STIM2: variants seen among roughly 807,000 people sequenced by gnomAD.
STIM2 encodes stromal interaction molecule 2.
STIM2 carries 31 observed loss-of-function variants against 85.8 expected under a neutral mutation model. The observed-to-expected ratio is 0.36, with a 90% CI of 0.27 to 0.49. The LOEUF (loss-of-function observed/expected upper bound fraction) is 0.49, where lower values mean the gene tolerates loss of function less well. Among genes scored for constraint, STIM2 ranks in the 20% least tolerant of loss-of-function variants. The pLI, the probability that STIM2 is intolerant of heterozygous loss-of-function variation, is 0.98. For synonymous variants in STIM2, 356 were observed against 331.1 expected, an observed-to-expected ratio of 1.08 and a Z score of -0.82; for missense variants, 841 against 927.6, an observed-to-expected ratio of 0.91 and a Z score of 1.21.
chr4:27,021,472 T>C, intron 11 of STIM2: 1 of 455,718 alleles, frequency 2.2e-6, no homozygotes, highest in South Asian at 1.6e-5. Flanking sequence ...CCCTGAGGGG[T>C]CTCGAGGTTG....
intron 7 of STIM2, among the ~76,000 whole-genome samples, chr4:27,006,482 G>A (rs868370970): frequency 3.3e-5 from 5 of 152,154 alleles, no homozygotes; most frequent in African/African-American, 7.2e-5. Flanking sequence ...CTCCGTAGTC[G>A]CTCGTAGCTT....
chr4:26,965,306 C>T (rs1726670699), intron 3 of STIM2, among the ~76,000 whole-genome samples: 1 of 152,130 alleles, frequency 6.6e-6, no homozygotes, highest in African/African-American at 2.4e-5. Flanking sequence ...TGCTCATTCA[C>T]TCTGTCAACC....
intron 2 of STIM2, among the ~76,000 whole-genome samples, chr4:26,941,334 T>A (rs955819932): frequency 1.3e-5 from 2 of 152,200 alleles, no homozygotes; most frequent in Non-Finnish European, 2.9e-5. Context: ...CAAAGTAATC[T>A]CTTGCATTGC....
Position 26,911,305 on chromosome 4 carries a change from T to C in STIM2, c.152-8199T>C, listed in dbSNP as rs183848477. On this transcript the variant is annotated intron_variant, in intron 1 of 11. Transcript: ENST00000467087. ...AAAATGAAATAAAACATTTGAAAGG[T>C]ATAGATGAAGTTAGCAATCATTTAG... is the stretch of plus-strand genomic sequence containing the variant. 7.9e-5 allele frequency among the ~76,000 whole-genome samples: 12 copies of C among 151,942 alleles called. No individual in the cohort carries two copies. The East Asian group carries it at 2.1e-3, about 27-fold the overall frequency.
intron 1 of STIM2, among the ~76,000 whole-genome samples, chr4:26,895,203 CTG>C (rs919518416): frequency 4.6e-5 from 7 of 152,320 alleles, no homozygotes; most frequent in African/African-American, 1.7e-4. Context: ...CAGAGTGAGA[CTG>C]TCTCCAAAAT....
chr4:27,007,530 T>C lies in STIM2; in HGVS notation c.982-3T>C. The stretch of plus-strand genomic sequence containing the variant: ...TCTTGCCTCCTTCCTTTCCTTCTTC[T>C]AGGTTCGCATGGCTCTGAAAAAGGC... On this transcript the variant is annotated splice_polypyrimidine_tract_variant and splice_region_variant and intron_variant, in intron 7 of 11. Coordinates refer to ENST00000467087, the MANE Select transcript of STIM2 (RefSeq NM_020860.4). 1 of 1,503,050 alleles carries C rather than the reference T, an allele frequency of 6.7e-7. No homozygotes were observed. Among genetic ancestry groups the C allele is most frequent in the Non-Finnish European group, 8.9e-7 (1 of 1,120,502 alleles). The allele number at this position is 1,503,050 out of a possible 1,614,324, so 93.1% of individuals were successfully genotyped here.
intron 1 of STIM2, among the ~76,000 whole-genome samples, chr4:26,903,258 T>G (rs1723993648): frequency 6.6e-6 from 1 of 152,168 alleles, no homozygotes; most frequent in Non-Finnish European, 1.5e-5. Context: ...GTATGAATAT[T>G]TGTTACAAAA....
intron 2 of STIM2, among the ~76,000 whole-genome samples, chr4:26,952,541 C>A (rs1359283552): frequency 6.6e-6 from 1 of 151,888 alleles, no homozygotes; most frequent in Non-Finnish European, 1.5e-5. Flanking sequence ...TCCTCATAAC[C>A]CTTTGAAGGT....
chr4:26,957,722 A>G lies in STIM2; in HGVS notation c.393A>G (p.Ser131=), dbSNP rs371064170. The G allele has an allele frequency of 5.0e-5, 80 of 1,592,804 alleles. No individual in the cohort carries two copies. Among genetic ancestry groups the G allele is most frequent in the Non-Finnish European group, 6.8e-5 (79 of 1,168,950 alleles). ...ATTTATGGAAACGATGGAAAACATC[A>G]GAAGGTAAGACTGCCTTTGTGATCT... Residue 131 remains serine (S), a synonymous_variant, in exon 3 of 12, where the codon TCA becomes TCG. Coordinates refer to ENST00000467087, the MANE Select transcript of STIM2 (RefSeq NM_020860.4).
At chr4:26,941,128 T>G (rs1305116995) in intron 2 of STIM2, among the ~76,000 whole-genome samples, 1 of 152,190 alleles carries the variant, frequency 6.6e-6, no homozygotes, top group Non-Finnish European at 1.5e-5. Flanking sequence ...CAAAGTGACC[T>G]ACTGACAGAC....
intron 3 of STIM2, among the ~76,000 whole-genome samples, chr4:26,975,213 A>G (rs1051740905): frequency 1.3e-5 from 2 of 151,986 alleles, no homozygotes; most frequent in Non-Finnish European, 2.9e-5. Context: ...GAAGTTTGTT[A>G]TTACCGACCT....
intron 1 of STIM2, among the ~76,000 whole-genome samples, chr4:26,871,687 A>G (rs1295368625): frequency 1.4e-5 from 2 of 146,856 alleles, no homozygotes; most frequent in East Asian, 4.0e-4. Context: ...TATCTGGCCC[A>G]TAAGTCTGTT....
chr4:27,014,199 GCT>G (rs1728654369), intron 10 of STIM2, among the ~76,000 whole-genome samples: 1 of 151,486 alleles, frequency 6.6e-6, no homozygotes, highest in Non-Finnish European at 1.5e-5. Flanking sequence ...GTTTATTTCT[GCT>G]CTTTTATTTC....
At chr4:26,900,002 A>G (rs904997362) in intron 1 of STIM2, among the ~76,000 whole-genome samples, 3 of 152,188 alleles carry the variant, frequency 2.0e-5, no homozygotes, top group Non-Finnish European at 2.9e-5. Flanking sequence ...TCTATTTCAT[A>G]TAGTTTTCAT....
intron 1 of STIM2, among the ~76,000 whole-genome samples, chr4:26,882,898 C>T (rs1723065679): frequency 1.3e-5 from 2 of 150,266 alleles, no homozygotes; most frequent in Middle Eastern, 3.5e-3. Context: ...AGTGCAGTGG[C>T]GCGATCTCAG....
chr4:26,956,566 A>C (rs542998098), intron 2 of STIM2, among the ~76,000 whole-genome samples: 5 of 151,436 alleles, frequency 3.3e-5, no homozygotes, highest in South Asian at 2.1e-4. Context: ...GCCTCAGCCT[A>C]TCTCTCTCTA....
intron 10 of STIM2, among the ~76,000 whole-genome samples, chr4:27,015,683 G>T (rs889952204): frequency 1.6e-4 from 24 of 151,510 alleles, no homozygotes; most frequent in Admixed American, 1.6e-3. Context: ...CTTGGTTCGG[G>T]TTCTTTTTAG....
At chr4:27,007,482 C>A in intron 7 of STIM2, 51 bp from the exon 8 acceptor site, 2 of 1,227,652 alleles carry the variant, frequency 1.6e-6, no homozygotes, top group South Asian at 2.5e-5. Flanking sequence ...ATATTTTAAT[C>A]CTTCCTTCCT....
At chr4:26,958,231 G>A (rs892702765) in intron 3 of STIM2, among the ~76,000 whole-genome samples, 4 of 152,058 alleles carry the variant, frequency 2.6e-5, no homozygotes, top group Admixed American at 1.3e-4. Context: ...ATTATGGACA[G>A]TAATTGTTTA....
Sources: allele counts gnomAD v4.1 joint callset (sites outside exome capture counted in the v4.1 genomes callset), GRCh38; gene constraint gnomAD v4.1.1; transcripts MANE v1.5; gene names NCBI Gene and HGNC (gene_info 2026-07-23, HGNC 2026-07-21).